The following PIP5K1C variants were observed in gnomAD, a reference collection of about 807,000 sequenced individuals.
PIP5K1C encodes phosphatidylinositol-4-phosphate 5-kinase type 1 gamma, also known as phosphatidylinositol 4-phosphate 5-kinase type-1 gamma.
In PIP5K1C, 45 loss-of-function variants were observed where a neutral mutation model predicts 80.1. The ratio of observed to expected loss-of-function variants is 0.56; its 90% CI spans 0.44 to 0.72. The LOEUF is 0.72. Ranked by LOEUF, PIP5K1C falls within the 30% of genes least tolerant of loss-of-function variation. The pLI is 0.00. For synonymous variants in PIP5K1C, 498 were observed against 420.1 expected (o/e 1.19, Z -2.27); for missense variants, 753 against 954.6 (o/e 0.79, Z 2.78).
At chr19:3,644,787 T>TC (rs2034142710) in intron 11 of PIP5K1C, among the ~76,000 whole-genome samples, 1 of 152,198 alleles carries the variant, frequency 6.6e-6, no homozygotes, top group South Asian at 2.1e-4. Context: ...GCAGGTGATG[T>TC]CCCGCACAGG....
At chr19:3,647,515 T>C (rs1204941647) in intron 9 of PIP5K1C, 129 bp from the exon 10 acceptor site, 4 of 810,808 alleles carry the variant, frequency 4.9e-6, no homozygotes, top group Non-Finnish European at 6.2e-6. Context: ...CTGTCAAAAC[T>C]CAGGGTGGCA....
At chr19:3,690,831 A>T (rs1040637660) in intron 1 of PIP5K1C, among the ~76,000 whole-genome samples, 2 of 152,238 alleles carry the variant, frequency 1.3e-5, no homozygotes, top group Admixed American at 6.5e-5. Context: ...AAATGAGGTC[A>T]GAGTTCAACC....
At chr19:3,661,160 G>C in intron 4 of PIP5K1C, 77 bp from the exon 5 acceptor site, 1 of 977,096 alleles carries the variant, frequency 1.0e-6, no homozygotes, top group Non-Finnish European at 1.6e-6. Flanking sequence ...GTCCCTCCTA[G>C]TGCCTCTAGC....
At position 3,632,650 on chromosome 19, in the gene PIP5K1C, A is replaced by C; in HGVS notation, c.*517T>G. ...AGGCCCCCAAACCCAAGCTGAGGGC[A>C]GGAGGGTCCGCTTCCCACGTGGATG... On this transcript the variant is annotated 3_prime_UTR_variant, in exon 18 of 18. Transcript: ENST00000335312. The C allele has an allele frequency of 6.4e-6, 1 of 156,048 alleles. No homozygotes were observed. Among genetic ancestry groups the C allele is most frequent in the Non-Finnish European group, 1.4e-5 (1 of 70,624 alleles). The allele number at this position is 156,048 out of a possible 1,614,324, so 9.7% of individuals were successfully genotyped here. A position where few individuals can be genotyped will look rare whatever the true frequency, so the allele number is the denominator to read the frequency against.
At chr19:3,678,843 GGGAGGGAT>G (rs1463289654) in intron 1 of PIP5K1C, among the ~76,000 whole-genome samples, 71 of 139,240 alleles carry the variant, frequency 5.1e-4, no homozygotes, top group Non-Finnish European at 3.6e-4. Flanking sequence ...GATGGATGGA[GGGAGGGAT>G]GGAGGGATGG....
At chr19:3,672,092 C>T (rs550033579) in intron 1 of PIP5K1C, among the ~76,000 whole-genome samples, 2 of 152,342 alleles carry the variant, frequency 1.3e-5, no homozygotes, top group East Asian at 1.9e-4. Flanking sequence ...CGGTGCACGG[C>T]TCTGATCGCT....
chr19:3,670,230 G>A (rs1271825345), intron 1 of PIP5K1C, among the ~76,000 whole-genome samples: 1 of 152,210 alleles, frequency 6.6e-6, no homozygotes, highest in Non-Finnish European at 1.5e-5. Context: ...GGGTTGGACG[G>A]TGTCCCTCCG....
At chr19:3,646,147 G>T in intron 10 of PIP5K1C, 89 bp from the exon 11 acceptor site, 1 of 799,662 alleles carries the variant, frequency 1.3e-6, no homozygotes, top group Non-Finnish European at 2.3e-6. Flanking sequence ...GTATGTGTGT[G>T]GGGGGCACCT....
In PIP5K1C at chr19:3,700,307, C is replaced by A. The variant is rs1388541734; in HGVS notation, c.84G>T (p.Gly28=). Residue 28 remains glycine (G), a synonymous_variant, in exon 1 of 18, where the codon GGG becomes GGT. Coordinates refer to ENST00000335312, the MANE Select transcript of PIP5K1C (RefSeq NM_012398.3). ...AGGCCGGGCCGTTACCTGCCGCCGCCCCGCTCTCTGCCGCCCACGCCGCCT... is the reference window on the plus strand; with the variant it reads ...AGGCCGGGCCGTTACCTGCCGCCGCACCGCTCTCTGCCGCCCACGCCGCCT... ...PSEAAWAAES[G]AAAGLAQKKA... is the part of the protein sequence containing the mutation. 2 of 1,286,576 alleles carry A rather than the reference C, an allele frequency of 1.6e-6. No individual in the cohort carries two copies. Among genetic ancestry groups the A allele is most frequent in the Non-Finnish European group, 2.0e-6 (2 of 1,000,580 alleles). 79.7% of individuals were successfully genotyped at this position (1,286,576 alleles called of 1,614,324 possible). A position where few individuals can be genotyped will look rare whatever the true frequency, so the allele number is the denominator to read the frequency against.
intron 5 of PIP5K1C, among the ~76,000 whole-genome samples, chr19:3,660,526 C>G (rs1016407695): frequency 6.6e-6 from 1 of 152,302 alleles, no homozygotes; most frequent in East Asian, 1.9e-4. Flanking sequence ...TAACCTGAAA[C>G]AATAAAGCCA....
At chr19:3,662,182 CG>C (rs1278353766) in intron 3 of PIP5K1C, among the ~76,000 whole-genome samples, 181 bp from the exon 4 acceptor site, 1 of 152,276 alleles carries the variant, frequency 6.6e-6, no homozygotes, top group Non-Finnish European at 1.5e-5. Flanking sequence ...GACATCAGGC[CG>C]GGGGATGAAG....
At chr19:3,660,392 A>AG (rs1016566896) in intron 5 of PIP5K1C, among the ~76,000 whole-genome samples, 20 of 151,504 alleles carry the variant, frequency 1.3e-4, no homozygotes, top group Non-Finnish European at 2.8e-4. Context: ...AAAAAAAAAA[A>AG]GGGGGTGCTG....
chr19:3,671,518 A>T (rs2035204350), intron 1 of PIP5K1C, among the ~76,000 whole-genome samples: 1 of 152,176 alleles, frequency 6.6e-6, no homozygotes, highest in South Asian at 2.1e-4. Flanking sequence ...CCCTGCTGGG[A>T]ACGTCCCTGC....
At chr19:3,641,858 A>T (rs766005389) in intron 14 of PIP5K1C, 49 bp from the exon 15 acceptor site, 1 of 1,473,072 alleles carries the variant, frequency 6.8e-7, no homozygotes, top group South Asian at 1.1e-5. Context: ...CACTTCCCCC[A>T]TCCTACCCCC....
chr19:3,643,318 G>A lies in PIP5K1C; in HGVS notation c.1574C>T (p.Ala525Val), dbSNP rs760640808. 1.5e-5 allele frequency: 24 copies of A among 1,613,994 alleles called. No homozygotes were observed. Among genetic ancestry groups the A allele is most frequent in the Non-Finnish European group, 2.0e-5 (24 of 1,179,960 alleles). Residue 525 changes from alanine to valine, a missense_variant, in exon 13 of 18, where the codon GCC becomes GTC. Ala to Val is a moderately conservative substitution (Grantham distance 64). Around this residue, in one of 6 missense-constraint regions of PIP5K1C, gnomAD observed 315 missense variants for 294.5 expected, o/e 1.07. Coordinates refer to ENST00000335312, the MANE Select transcript of PIP5K1C (RefSeq NM_012398.3). The stretch of plus-strand genomic sequence containing the variant: ...GAGGGATGTGGATGACAGAGTCGTG[G>A]CAATGGAGGCTGTAGTGGCTTCTTC... ...SFEEATTASI[A>V]TTLSSTSLSI...
intron 1 of PIP5K1C, among the ~76,000 whole-genome samples, chr19:3,687,550 CAT>C (rs2035799618): frequency 6.8e-6 from 1 of 146,090 alleles, no homozygotes; most frequent in South Asian, 2.1e-4. Context: ...TACATGCACA[CAT>C]GCACACGCAC....
Position 3,641,910 on chromosome 19 carries a change from T to A in PIP5K1C, c.1683-101A>T, listed in dbSNP as rs113915105. 1,091 of 910,116 alleles carry A rather than the reference T, an allele frequency of 1.2e-3. 8 individuals are homozygous for A. In the African/African-American group the frequency reaches 0.016, roughly 14 times the overall value. 56.4% of individuals were successfully genotyped at this position (910,116 alleles called of 1,614,324 possible). A position where few individuals can be genotyped will look rare whatever the true frequency, so the allele number is the denominator to read the frequency against. On this transcript the variant is annotated intron_variant, in intron 14 of 17. Coordinates refer to ENST00000335312, the MANE Select transcript of PIP5K1C (RefSeq NM_012398.3). ...CTCCAGGGCCAGTCCCAGAGGGGAG[T>A]TGGGAGCCTCCTGATTGGGTCTGTT...
At position 3,637,837 on chromosome 19, in the gene PIP5K1C, A is replaced by T. The variant is rs962339306; in HGVS notation, c.1920+1047T>A. 9 of 1,535,180 alleles carry T rather than the reference A, an allele frequency of 5.9e-6. No homozygotes were observed. The African/African-American group carries it at 1.1e-4, about 19-fold the overall frequency. ...CCTGGCAGGGCATCAGGACACAGACACACAGCACGACATGGCCCCCAGGCC... is the reference window on the plus strand; with the variant it reads ...CCTGGCAGGGCATCAGGACACAGACTCACAGCACGACATGGCCCCCAGGCC... On this transcript the variant is annotated intron_variant, in intron 16 of 17. Coordinates refer to ENST00000335312, the MANE Select transcript of PIP5K1C (RefSeq NM_012398.3). The surrounding 1 kb of genome is among the most constrained non-coding windows in gnomAD (Gnocchi z 7.0).
intron 7 of PIP5K1C, among the ~76,000 whole-genome samples, chr19:3,652,702 A>G (rs2034496447): frequency 6.6e-6 from 1 of 152,220 alleles, no homozygotes; most frequent in African/African-American, 2.4e-5. Context: ...CCACGGGGAC[A>G]GGAGCCAGAC....
Sources: gnomAD v4.1 joint callset for allele counts (sites outside exome capture counted in the v4.1 genomes callset) on GRCh38, gnomAD v4.1.1 for gene constraint, gnomAD v4.1.1 regional missense constraint, Gnocchi (gnomAD v3.1) non-coding constraint, MANE v1.5 for transcripts, NCBI Gene and HGNC (gene_info 2026-07-23, HGNC 2026-07-21) for gene names.